Variants in SVEP1 observed in about 807,000 individuals in gnomAD.
SVEP1 encodes sushi, von Willebrand factor type A, EGF and pentraxin domain-containing protein 1.
SVEP1 carries 164 observed loss-of-function variants against 367.3 expected under a neutral mutation model. The ratio of observed to expected loss-of-function variants is 0.45; its 90% confidence interval spans 0.39 to 0.51. The LOEUF (loss-of-function observed/expected upper bound fraction) is 0.51. Among genes scored for constraint, SVEP1 ranks in the 20% least tolerant of loss-of-function variants. The probability of loss-of-function intolerance (pLI) is 0.00; values close to 1 mark genes in which losing one functional copy is unlikely to be tolerated. For missense variants in SVEP1, 4,117 were observed against 4,425.3 expected (o/e 0.93, Z 1.98); for synonymous variants, 1,666 against 1,611.6 (o/e 1.03, Z -0.81).
intron 35 of SVEP1, 63 bp from the exon 36 acceptor site, chr9:110,427,821 A>G (rs1340714581): frequency 6.6e-7 from 1 of 1,525,976 alleles, no homozygotes; most frequent in Non-Finnish European, 8.8e-7. Flanking sequence ...GAGATAAAAC[A>G]GGAAGAACTC....
intron 21 of SVEP1, among the ~76,000 whole-genome samples, chr9:110,456,673 T>A (rs1385489160): frequency 6.6e-6 from 1 of 152,228 alleles, no homozygotes; most frequent in Non-Finnish European, 1.5e-5. Flanking sequence ...TTAAATTAAT[T>A]GCAATTTTAA....
chr9:110,401,026 A>C lies in SVEP1; in HGVS notation c.9667-17T>G. 1 of 1,612,408 alleles carries C rather than the reference A, an allele frequency of 6.2e-7. No homozygotes were observed. The highest frequency in any genetic ancestry group is 8.5e-7 in the Non-Finnish European group (1 of 1,179,482). Reference sequence around the variant, plus strand: ...TCCATCAAGCTAAGTGACAAATAACAAAATGTAAGTTATGTTTAGAAGTTA... The same window carrying C: ...TCCATCAAGCTAAGTGACAAATAACCAAATGTAAGTTATGTTTAGAAGTTA... On this transcript the variant is annotated splice_polypyrimidine_tract_variant and intron_variant, in intron 39 of 47. Transcript: ENST00000374469.
Position 110,404,427 on chromosome 9 carries a change from T to A in SVEP1, c.9566A>T (p.His3189Leu), listed in dbSNP as rs924233177. The A allele has an allele frequency of 6.2e-7, 1 of 1,613,968 alleles. No individual in the cohort carries two copies. Among genetic ancestry groups the A allele is most frequent in the Admixed American group, 1.7e-5 (1 of 60,014 alleles). Reference protein sequence around the residue: ...KKCPLPENITHILVHGDDFSV... With the variant: ...KKCPLPENITLILVHGDDFSV... ...GAAATCGTCCCCATGTACAAGTATA[T>A]GTGTTATGTTTTCCGGGAGAGGACA... The change falls in exon 39 of 48, where the codon CAT becomes CTT. Residue 3189 changes from histidine (H) to leucine (L), a missense_variant. This residue lies in a region of SVEP1 where 1,765 missense variants were observed against 1,781.1 expected (regional missense o/e 0.99). Coordinates refer to ENST00000374469, the MANE Select transcript of SVEP1 (RefSeq NM_153366.4).
chr9:110,375,499 G>T (rs1384711880), intron 45 of SVEP1, 36 bp from the exon 46 acceptor site: 26 of 1,482,954 alleles, frequency 1.8e-5, no homozygotes, highest in Admixed American at 1.3e-4. Context: ...AAGGAGGCAG[G>T]GGGGATTGAA....
At chr9:110,428,189 A>G (rs1325954960) in intron 35 of SVEP1, among the ~76,000 whole-genome samples, 10 of 152,076 alleles carry the variant, frequency 6.6e-5, no homozygotes, top group Admixed American at 6.5e-4. Flanking sequence ...GGGCATTTGA[A>G]CCATGCTGCC....
At chr9:110,449,915 G>A (rs969526939) in intron 24 of SVEP1, 144 bp downstream of exon 24, 12 of 930,154 alleles carry the variant, frequency 1.3e-5, no homozygotes, top group Admixed American at 9.3e-5. Flanking sequence ...AATGGCGGTG[G>A]GAATATTCAG....
At chr9:110,555,368 C>G (rs988793458) in intron 1 of SVEP1, among the ~76,000 whole-genome samples, 3 of 152,132 alleles carry the variant, frequency 2.0e-5, no homozygotes, top group African/African-American at 7.2e-5. Flanking sequence ...AGCAGAGTTA[C>G]TTGAATGAGT....
At chr9:110,520,452 TA>T (rs1733018085) in intron 3 of SVEP1, among the ~76,000 whole-genome samples, 1 of 152,240 alleles carries the variant, frequency 6.6e-6, no homozygotes, top group Non-Finnish European at 1.5e-5. Flanking sequence ...TTGTTGTTGT[TA>T]AAATAAGCAC....
chr9:110,458,854 C>A (rs1050491614), intron 19 of SVEP1, 98 bp downstream of exon 19: 1 of 1,440,910 alleles, frequency 6.9e-7, no homozygotes. Flanking sequence ...ATGCCCAAAT[C>A]CACCGAAAAT....
chr9:110,482,268 C>T lies in SVEP1; in HGVS notation c.2170+93G>A, dbSNP rs145068059. The T allele has an allele frequency of 4.0e-4, 537 of 1,341,588 alleles. 3 individuals carry two copies. In the African/African-American group the frequency reaches 6.7e-3, roughly 17 times the overall value. The allele number at this position is 1,341,588 out of a possible 1,614,324, so 83.1% of individuals were successfully genotyped here. ...GTCTTCTAACTGTAAAAATCTAATG[C>T]TCATAGCCTATTTTCTTTCATAAAA... On this transcript the variant is annotated intron_variant, in intron 11 of 47. Transcript: ENST00000374469.
Position 110,411,192 on chromosome 9 carries a change from G to A in SVEP1, c.6519C>T (p.Asn2173=). Residue 2173 remains asparagine (N), a synonymous_variant, in exon 37 of 48, where the codon AAC becomes AAT. Transcript: ENST00000374469. ...SFGAMVAYSC[N]KGFYIKGEKK... is the part of the protein sequence containing the mutation. ...TTTCCCCTTTGATGTAGAACCCCTT[G>A]TTGCAGCTGTAAGCCACCATGGCTC... The A allele has an allele frequency of 6.2e-7, 1 of 1,614,012 alleles. No homozygotes were observed. The highest frequency in any genetic ancestry group is 1.1e-5 in the South Asian group (1 of 91,076).
chr9:110,405,250 A>C (rs6477767), intron 38 of SVEP1, among the ~76,000 whole-genome samples: 1,392 of 102,748 alleles, frequency 0.014, 59 homozygotes, highest in African/African-American at 0.041. Flanking sequence ...CAGCATAATT[A>C]ATATGTATTA....
intron 5 of SVEP1, 121 bp from the exon 6 acceptor site, chr9:110,503,338 C>T (rs905692035): frequency 9.3e-5 from 90 of 965,324 alleles, no homozygotes; most frequent in South Asian, 3.4e-4. Context: ...AAATAGCAAA[C>T]GACACATAAT....
intron 5 of SVEP1, among the ~76,000 whole-genome samples, chr9:110,506,981 A>G (rs560183079): frequency 6.6e-6 from 1 of 152,296 alleles, no homozygotes; most frequent in South Asian, 2.1e-4. Flanking sequence ...AGACCCATGG[A>G]AAATGCACTC....
intron 38 of SVEP1, 24 bp downstream of exon 38, chr9:110,406,136 G>C: frequency 6.6e-7 from 1 of 1,520,348 alleles, no homozygotes; most frequent in Non-Finnish European, 8.8e-7. Context: ...GCACCCCTTG[G>C]AGACCCTAGA....
intron 3 of SVEP1, among the ~76,000 whole-genome samples, chr9:110,515,753 A>G (rs1036100955): frequency 2.0e-5 from 3 of 152,324 alleles, no homozygotes; most frequent in South Asian, 2.1e-4. Flanking sequence ...GAGAGATTCA[A>G]TGACGACTAT....
chr9:110,417,086 C>T (rs1032391645), intron 36 of SVEP1, among the ~76,000 whole-genome samples: 1 of 151,956 alleles, frequency 6.6e-6, no homozygotes, highest in Non-Finnish European at 1.5e-5. Context: ...CTTCAAAATA[C>T]TTATGGAAAA....
chr9:110,406,700 T>G lies in SVEP1; in HGVS notation c.8900A>C (p.His2967Pro). 6.2e-7 allele frequency: 1 copy of G among 1,613,952 alleles called. No individual in the cohort carries two copies. Residue 2967 changes from histidine (H) to proline (P), a missense_variant, in exon 38 of 48, where the codon CAT becomes CCT. By Grantham distance (77) the His-to-Pro change is moderately conservative (BLOSUM62 -2). Coordinates refer to ENST00000374469, the MANE Select transcript of SVEP1 (RefSeq NM_153366.4). ...GCACTGATACTGTATATGGCCCCCATGAATAAAGGAAAAACCATTAGGGAA... is the reference window on the plus strand; with the variant it reads ...GCACTGATACTGTATATGGCCCCCAGGAATAAAGGAAAAACCATTAGGGAA... ...HGFPNGFSFIHGGHIQYQCFP... is the reference protein window; with the variant it reads ...HGFPNGFSFIPGGHIQYQCFP...
chr9:110,390,035 A>G (rs1321703082), intron 40 of SVEP1, among the ~76,000 whole-genome samples: 1 of 120,828 alleles, frequency 8.3e-6, no homozygotes, highest in Non-Finnish European at 1.8e-5. Flanking sequence ...GTGTATATAT[A>G]TATAAGTATA....
Sources: gnomAD v4.1 joint callset for allele counts (sites outside exome capture counted in the v4.1 genomes callset) on GRCh38, gnomAD v4.1.1 for gene constraint, gnomAD v4.1.1 regional missense constraint, MANE v1.5 for transcripts, NCBI Gene and HGNC (gene_info 2026-07-23, HGNC 2026-07-21) for gene names.